Variants in TSC22D1 observed in about 807,000 individuals in gnomAD.
The protein encoded by TSC22D1 is TSC22 domain family member 1.
Under a neutral mutation model 74.2 loss-of-function variants are expected in TSC22D1, and 9 were observed. That is an observed-to-expected ratio of 0.12 (90% confidence interval 0.07 to 0.21). The LOEUF is 0.21. Ranked by LOEUF, TSC22D1 falls within the 10% of genes least tolerant of loss-of-function variation. TSC22D1 has a pLI of 1.00. For missense variants in TSC22D1, 1,427 were observed against 1,304.7 expected (o/e 1.09, Z -1.44); for synonymous variants, 586 against 492.5 (o/e 1.19, Z -2.51).
At chr13:44,547,486 TAGAAC>T (rs1206401968) in intron 1 of TSC22D1, among the ~76,000 whole-genome samples, 11 of 152,314 alleles carry the variant, frequency 7.2e-5, no homozygotes, top group African/African-American at 2.6e-4. Flanking sequence ...AAGCATATCA[TAGAAC>T]AGGTGAACAA....
chr13:44,559,245 C>G (rs1882879723), intron 1 of TSC22D1, among the ~76,000 whole-genome samples: 1 of 152,168 alleles, frequency 6.6e-6, no homozygotes, highest in Non-Finnish European at 1.5e-5. Context: ...AAGCAGTGGA[C>G]AGTCTATAGC....
rs1297456982 is a variant in TSC22D1, at chr13:44,517,825, GTGTGTATATATA to G, written c.2912+55326_2912+55337del. Among the ~76,000 whole-genome samples, 7 of 19,254 alleles carry G rather than the reference GTGTGTATATATA, an allele frequency of 3.6e-4. No homozygotes were observed. The East Asian group carries it at 6.9e-3, about 19-fold the overall frequency. 12.6% of individuals were successfully genotyped at this position (19,254 alleles called of 152,430 possible). A position where few individuals can be genotyped will look rare whatever the true frequency, so the allele number is the denominator to read the frequency against. On this transcript the variant is annotated intron_variant, in intron 1 of 2. Coordinates refer to ENST00000458659, the MANE Select transcript of TSC22D1 (RefSeq NM_183422.4). ...CACACATATATATGTGTGTGTGTGT[GTGTGTATATATA>G]TATATATATATATATATATATTTTT...
chr13:44,507,294 C>T (rs958072259), intron 1 of TSC22D1, among the ~76,000 whole-genome samples: 2 of 152,030 alleles, frequency 1.3e-5, no homozygotes, highest in Non-Finnish European at 2.9e-5. Flanking sequence ...GTAAGAATAA[C>T]GTTGCTACAG....
intron 1 of TSC22D1, among the ~76,000 whole-genome samples, chr13:44,500,172 G>T (rs982169604): frequency 1.3e-5 from 2 of 150,734 alleles, no homozygotes; most frequent in Admixed American, 1.3e-4. Flanking sequence ...TTCCTCATAT[G>T]CAATCTGGTT....
At chr13:44,577,249 G>C (rs1884310649), upstream of TSC22D1, 1 of 152,518 alleles carries the variant, frequency 6.6e-6, no homozygotes, top group African/African-American at 2.4e-5. Flanking sequence ...CGGGCGGGGA[G>C]GGGGCTGTGG....
At chr13:44,436,673 C>G (rs373349480) in intron 1 of TSC22D1, 15 of 1,595,844 alleles carry the variant, frequency 9.4e-6, no homozygotes, top group Non-Finnish European at 1.3e-5. Flanking sequence ...AGAGGGAACA[C>G]CAGCAGCCTT....
chr13:44,433,169 C>A lies in TSC22D1; in HGVS notation c.*1457G>T, dbSNP rs1480010068. 6.6e-6 allele frequency: 1 copy of A among 152,100 alleles called. No homozygotes were observed. Among genetic ancestry groups the A allele is most frequent in the Non-Finnish European group, 1.5e-5 (1 of 68,020 alleles). 9.4% of individuals were successfully genotyped at this position (152,100 alleles called of 1,614,324 possible). On this transcript the variant is annotated 3_prime_UTR_variant, in exon 3 of 3. Transcript: ENST00000458659. ...TATACACAGAATAAGGCTCCTTCTT[C>A]CTCTCAGTTCAGTAAAAAATTAAGA...
intron 1 of TSC22D1, among the ~76,000 whole-genome samples, chr13:44,460,316 A>C (rs778246344): frequency 6.6e-6 from 1 of 152,194 alleles, no homozygotes; most frequent in Non-Finnish European, 1.5e-5. Context: ...ATTATTATAG[A>C]TTACTTCCAA....
chr13:44,517,276 C>T (rs987154947), intron 1 of TSC22D1, among the ~76,000 whole-genome samples: 2 of 151,634 alleles, frequency 1.3e-5, no homozygotes, highest in Non-Finnish European at 2.9e-5. Flanking sequence ...TATGTATGAC[C>T]ATTACTTCTA....
rs911267603 is a variant in TSC22D1, at chr13:44,574,530, C to T, written c.1545G>A (p.Val515=). Residue 515 remains valine, a synonymous_variant, in exon 1 of 3, where the codon GTG becomes GTA. Coordinates refer to ENST00000458659, the MANE Select transcript of TSC22D1 (RefSeq NM_183422.4). ...TACCAAAATCCATCTGTTGGAGGGT[C>T]ACACCTTGGAGAGCTGGTTGTTGCT... ...QQQQQPALQG[V]TLQQMDFGST... is the part of the protein sequence containing the mutation. 3 of 1,614,066 alleles carry T rather than the reference C, an allele frequency of 1.9e-6. No individual in the cohort carries two copies. The highest frequency in any genetic ancestry group is 2.5e-6 in the Non-Finnish European group (3 of 1,180,028).
intron 1 of TSC22D1, among the ~76,000 whole-genome samples, chr13:44,561,518 CTA>C (rs2138198556): frequency 6.6e-6 from 1 of 152,310 alleles, no homozygotes; most frequent in Admixed American, 6.5e-5. Flanking sequence ...CCAACTTGGA[CTA>C]TGTCTTATAT....
At chr13:44,486,223 A>G (rs1878422145) in intron 1 of TSC22D1, among the ~76,000 whole-genome samples, 1 of 152,112 alleles carries the variant, frequency 6.6e-6, no homozygotes. Flanking sequence ...CCACAAAAAA[A>G]CAATCCACTA....
chr13:44,574,763 C>T lies in TSC22D1; in HGVS notation c.1312G>A (p.Ala438Thr). 1.2e-6 allele frequency: 2 copies of T among 1,614,116 alleles called. No homozygotes were observed. The highest frequency in any genetic ancestry group is 1.7e-6 in the Non-Finnish European group (2 of 1,180,040). ...EFYEKENAVP[A>T]TEGVLINKVV... ...TTATTTATCAGCACACCTTCTGTAG[C>T]AGGTACAGCATTTTCTTTTTCATAG... The change falls in exon 1 of 3, where the codon GCT becomes ACT. Residue 438 changes from alanine (A) to threonine (T), a missense_variant. Transcript: ENST00000458659.
At chr13:44,475,913 A>T (rs1877885618) in intron 1 of TSC22D1, among the ~76,000 whole-genome samples, 1 of 152,188 alleles carries the variant, frequency 6.6e-6, no homozygotes, top group Non-Finnish European at 1.5e-5. Context: ...TCAACAACAA[A>T]GCCCAACAAA....
chr13:44,532,497 G>A (rs1185178944), intron 1 of TSC22D1, among the ~76,000 whole-genome samples: 3 of 151,888 alleles, frequency 2.0e-5, no homozygotes, highest in South Asian at 2.1e-4. Context: ...TTTTTGAGAC[G>A]GAGTCTTGCT....
chr13:44,457,449 T>C (rs1226649048), intron 1 of TSC22D1, among the ~76,000 whole-genome samples: 1 of 152,082 alleles, frequency 6.6e-6, no homozygotes, highest in African/African-American at 2.4e-5. Context: ...AGAGAATATG[T>C]GATGAGAACA....
At chr13:44,533,786 GAACAAACA>G (rs144471143) in intron 1 of TSC22D1, among the ~76,000 whole-genome samples, 2 of 151,958 alleles carry the variant, frequency 1.3e-5, no homozygotes, top group Admixed American at 6.6e-5. Flanking sequence ...CTTGTCTCCA[GAACAAACA>G]AACAAACAAA....
At chr13:44,551,658 C>G (rs932859036) in intron 1 of TSC22D1, among the ~76,000 whole-genome samples, 10 of 152,118 alleles carry the variant, frequency 6.6e-5, no homozygotes, top group Non-Finnish European at 1.5e-4. Context: ...TAGGCTCAAG[C>G]GATCCACCTG....
chr13:44,517,582 C>T (rs1414582976), intron 1 of TSC22D1, among the ~76,000 whole-genome samples: 4 of 150,880 alleles, frequency 2.7e-5, no homozygotes, highest in Non-Finnish European at 5.9e-5. Context: ...CGGTGGCTTG[C>T]GCCTATAATC....
Sources: gnomAD v4.1 joint callset for allele counts (sites outside exome capture counted in the v4.1 genomes callset) on GRCh38, gnomAD v4.1.1 for gene constraint, MANE v1.5 for transcripts, NCBI Gene and HGNC (gene_info 2026-07-23, HGNC 2026-07-21) for gene names.